The following CCDC171 variants were observed in gnomAD, a reference collection of about 807,000 sequenced individuals.
CCDC171 encodes the protein coiled-coil domain containing 171.
Under a neutral mutation model 168.2 loss-of-function variants are expected in CCDC171, and 177 were observed. The ratio of observed to expected loss-of-function variants is 1.05; its 90% CI spans 0.93 to 1.19. CCDC171 has a LOEUF of 1.19. Ranked by LOEUF, CCDC171 falls within the 50% of genes most tolerant of loss-of-function variation. The pLI is 0.00. For synonymous variants in CCDC171, 687 were observed against 540.8 expected (o/e 1.27, Z -3.75); for missense variants, 1,991 against 1,539.0 (o/e 1.29, Z -4.91).
intron 1 of CCDC171, among the ~76,000 whole-genome samples, chr9:16,043,981 C>A (rs1833614062): frequency 6.6e-6 from 1 of 152,192 alleles, no homozygotes; most frequent in African/African-American, 2.4e-5. Flanking sequence ...GCTCAGCAGT[C>A]ACCAGGGAAA....
At chr9:16,031,241 C>T (rs1018941206) in intron 6 of CCDC171, among the ~76,000 whole-genome samples, 2 of 152,148 alleles carry the variant, frequency 1.3e-5, no homozygotes, top group African/African-American at 4.8e-5. Flanking sequence ...AATGCATGTT[C>T]CACATGTGTG....
intron 3 of CCDC171, among the ~76,000 whole-genome samples, chr9:15,578,634 T>C (rs1276344689): frequency 1.5e-5 from 2 of 132,694 alleles, no homozygotes; most frequent in Admixed American, 1.5e-4. Context: ...TCTTATAAGA[T>C]TTTTTTTTTC....
chr9:15,730,909 AGT>A (rs2054111262), intron 16 of CCDC171, among the ~76,000 whole-genome samples: 1 of 151,984 alleles, frequency 6.6e-6, no homozygotes, highest in Non-Finnish European at 1.5e-5. Context: ...ACAAATCTTA[AGT>A]GTATAATTTG....
chr9:15,564,658 G>C (rs2039582091), intron 2 of CCDC171, among the ~76,000 whole-genome samples: 1 of 152,176 alleles, frequency 6.6e-6, no homozygotes. Context: ...TTTGGGCGTG[G>C]CGCCTACCTT....
At chr9:15,818,844 G>A (rs1404392070) in intron 21 of CCDC171, among the ~76,000 whole-genome samples, 6 of 116,034 alleles carry the variant, frequency 5.2e-5, no homozygotes, top group East Asian at 2.2e-4. Flanking sequence ...TACAGAGAAC[G>A]CCACAAAAAT....
chr9:15,725,683 C>T (rs1486324879), intron 14 of CCDC171, among the ~76,000 whole-genome samples: 2 of 152,158 alleles, frequency 1.3e-5, no homozygotes, highest in African/African-American at 4.8e-5. Context: ...CTCCTGACCT[C>T]AGGTGATCTG....
intron 11 of CCDC171, among the ~76,000 whole-genome samples, chr9:15,704,316 A>C (rs1018903525): frequency 3.3e-5 from 5 of 152,238 alleles, no homozygotes; most frequent in African/African-American, 1.2e-4. Flanking sequence ...TGAGCCTAGG[A>C]GTTCAAGTCC....
intron 1 of CCDC171, among the ~76,000 whole-genome samples, chr9:16,055,347 T>C (rs1277371169): frequency 6.6e-6 from 1 of 152,076 alleles, no homozygotes; most frequent in Non-Finnish European, 1.5e-5. Flanking sequence ...GTCCTCTTGG[T>C]GGCTAAAGCC....
intron 9 of CCDC171, among the ~76,000 whole-genome samples, chr9:15,669,232 A>C (rs1043596570): frequency 1.3e-5 from 2 of 152,210 alleles, no homozygotes; most frequent in African/African-American, 4.8e-5. Flanking sequence ...ATAATTCTAT[A>C]ATCAAAATTT....
Position 15,846,679 on chromosome 9 carries a change from C to T in CCDC171, c.3268-23C>T, listed in dbSNP as rs368052933. On this transcript the variant is annotated intron_variant, in intron 21 of 25. Transcript: ENST00000380701. ...GTTAATTATCAGGGCTGACAAGTAA[C>T]TCTGTTTTCTGTCTGCTTGCAGAGT... 62 of 1,610,762 alleles carry T rather than the reference C, an allele frequency of 3.8e-5. No homozygotes were observed. The African/African-American group carries it at 7.7e-4, about 20-fold the overall frequency.
chr9:15,848,785 C>G, intron 22 of CCDC171, 108 bp from the exon 23 acceptor site: 1 of 526,510 alleles, frequency 1.9e-6, no homozygotes, highest in East Asian at 3.5e-5. Flanking sequence ...AAAAGGAGAA[C>G]AGTGATATCA....
chr9:15,559,467 A>G (rs576911864), intron 1 of CCDC171, among the ~76,000 whole-genome samples: 1 of 152,070 alleles, frequency 6.6e-6, no homozygotes, highest in East Asian at 1.9e-4. Context: ...TGTTGAACTG[A>G]TCCCTTTACC....
At chr9:15,590,771 C>CTCTTTCTTTCTTTCTTTCTTTCTT (rs71506031) in intron 4 of CCDC171, among the ~76,000 whole-genome samples, 1 of 122,520 alleles carries the variant, frequency 8.2e-6, no homozygotes, top group African/African-American at 3.2e-5. Context: ...TTCTTTCTTT[C>CTCTTTCTTTCTTTCTTTCTTTCTT]TCTTTCTTTC....
intron 21 of CCDC171, among the ~76,000 whole-genome samples, chr9:15,823,250 A>G (rs2059869150): frequency 6.6e-6 from 1 of 152,104 alleles, no homozygotes; most frequent in South Asian, 2.1e-4. Context: ...GGTGCAGCAC[A>G]CCAACATGGC....
At chr9:15,673,389 T>G (rs1264266496) in intron 9 of CCDC171, among the ~76,000 whole-genome samples, 1 of 152,080 alleles carries the variant, frequency 6.6e-6, no homozygotes, top group African/African-American at 2.4e-5. Context: ...CAACACTATG[T>G]TGAATTAAGT....
intron 4 of CCDC171, 87 bp downstream of exon 4, chr9:15,579,110 G>A: frequency 2.0e-6 from 2 of 1,005,426 alleles, no homozygotes; most frequent in East Asian, 2.7e-5. Context: ...TCCCATACAG[G>A]GTCAGAGGTA....
At chr9:15,723,767 T>A in intron 13 of CCDC171, 21 bp downstream of exon 13, 1 of 1,201,538 alleles carries the variant, frequency 8.3e-7, no homozygotes, top group Non-Finnish European at 1.2e-6. Context: ...GAATAACTTT[T>A]ACCTTTTGTA....
intron 25 of CCDC171, among the ~76,000 whole-genome samples, chr9:15,933,046 T>C (rs975847112): frequency 5.9e-5 from 9 of 151,934 alleles, no homozygotes; most frequent in Non-Finnish European, 1.2e-4. Flanking sequence ...TATTGGCCTG[T>C]AGTTTTTTTT....
At chr9:15,613,081 A>C (rs1490329300) in intron 6 of CCDC171, among the ~76,000 whole-genome samples, 2 of 152,192 alleles carry the variant, frequency 1.3e-5, no homozygotes, top group Admixed American at 6.5e-5. Context: ...ACTCAGTATT[A>C]GAATTTCTGG....
Sources: gnomAD v4.1 joint callset for allele counts (sites outside exome capture counted in the v4.1 genomes callset) on GRCh38, gnomAD v4.1.1 for gene constraint, MANE v1.5 for transcripts, NCBI Gene and HGNC (gene_info 2026-07-23, HGNC 2026-07-21) for gene names.